The following NDRG2 variants were observed in gnomAD, a reference collection of about 807,000 sequenced individuals.
The protein encoded by NDRG2 is protein NDRG2.
In NDRG2, 34 loss-of-function variants were observed where a neutral mutation model predicts 58.2. That is an observed-to-expected ratio of 0.58 (90% CI 0.44 to 0.78). The LOEUF (loss-of-function observed/expected upper bound fraction) is 0.78. Among genes scored for constraint, NDRG2 ranks in the 30% least tolerant of loss-of-function variants. The probability of loss-of-function intolerance (pLI) is 0.00; values close to 1 mark genes in which losing one functional copy is unlikely to be tolerated. For missense variants in NDRG2, 434 were observed against 471.2 expected (o/e 0.92, Z 0.73); for synonymous variants, 187 against 175.9 (o/e 1.06, Z -0.50).
intron 1 of NDRG2, among the ~76,000 whole-genome samples, chr14:21,051,785 C>T (rs1016585148): frequency 3.3e-5 from 5 of 152,178 alleles, no homozygotes; most frequent in Non-Finnish European, 7.3e-5. Context: ...TCTGTCACCA[C>T]CAGGAGGCTG....
Position 21,018,773 on chromosome 14 carries a change from T to G in NDRG2, c.803A>C (p.Glu268Ala). 2 of 1,614,094 alleles carry G rather than the reference T, an allele frequency of 1.2e-6. No individual in the cohort carries two copies. Among genetic ancestry groups the G allele is most frequent in the Non-Finnish European group, 1.7e-6 (2 of 1,180,022 alleles). The stretch of plus-strand genomic sequence containing the variant: ...AAATTCCCTACTAACCACTGCATCT[T>G]CATGAGGTGCTTGGTCTCCTACCAC... ...MLVVGDQAPH[E>A]DAVVECNSKL... is the part of the protein sequence containing the mutation. The change falls in exon 12 of 16, where the codon GAA (glutamate) becomes GCA (alanine). Residue 268 changes from glutamate to alanine, a missense_variant. Physicochemically the swap from Glu to Ala is moderately radical, Grantham distance 107. Transcript: ENST00000556147.
chr14:21,041,544 C>G (rs1288293428), intron 1 of NDRG2, among the ~76,000 whole-genome samples: 2 of 152,154 alleles, frequency 1.3e-5, no homozygotes, highest in Admixed American at 6.5e-5. Flanking sequence ...CTCACAAGAG[C>G]TTGGAGTAGC....
intron 1 of NDRG2, among the ~76,000 whole-genome samples, chr14:21,042,043 T>C (rs994555140): frequency 6.6e-6 from 1 of 152,206 alleles, no homozygotes; most frequent in Non-Finnish European, 1.5e-5. Flanking sequence ...GAAGTGTATA[T>C]GAGAGGATAT....
At chr14:21,032,112 C>T in intron 1 of NDRG2, 1 of 1,598,628 alleles carries the variant, frequency 6.3e-7, no homozygotes, top group Non-Finnish European at 8.6e-7. Context: ...AGCCCCCTGA[C>T]CCTGCATGTT....
intron 1 of NDRG2, among the ~76,000 whole-genome samples, chr14:21,068,318 G>GAA (rs34795666): frequency 1.0e-5 from 1 of 99,520 alleles, no homozygotes; most frequent in African/African-American, 3.1e-5. Flanking sequence ...TTTTCTCCAT[G>GAA]AAAAAAAAAA....
Position 21,025,020 on chromosome 14 carries a change from T to A in NDRG2, c.-997A>T. The stretch of plus-strand genomic sequence containing the variant: ...GGCCCTACGGCCCCTCGCCTGCCCC[T>A]CCCCCTACCTGCTGCCGCCGCGGCC... On this transcript the variant is annotated 5_prime_UTR_variant, in exon 1 of 16. Coordinates refer to ENST00000556147, the MANE Select transcript of NDRG2 (RefSeq NM_001320329.2). The surrounding 1 kb of genome is among the most constrained non-coding windows in gnomAD (Gnocchi z 5.1). 2 of 980,572 alleles carry A rather than the reference T, an allele frequency of 2.0e-6. No individual in the cohort carries two copies. Among genetic ancestry groups the A allele is most frequent in the Non-Finnish European group, 2.4e-6 (2 of 828,784 alleles). The allele number at this position is 980,572 out of a possible 1,614,324, so 60.7% of individuals were successfully genotyped here. A position where few individuals can be genotyped will look rare whatever the true frequency, so the allele number is the denominator to read the frequency against.
intron 10 of NDRG2, 23 bp from the exon 11 acceptor site, chr14:21,019,183 G>T: frequency 6.2e-7 from 1 of 1,601,960 alleles, no homozygotes; most frequent in Non-Finnish European, 8.5e-7. Flanking sequence ...TAAAAGAGTA[G>T]GAATTTTAGG....
Position 21,024,958 on chromosome 14 carries a change from C to G in NDRG2, c.-935G>C. On this transcript the variant is annotated 5_prime_UTR_variant, in exon 1 of 16. Transcript: ENST00000556147. ...GCCTCCAGCTCCAGGGGACGCGGAT[C>G]AATCACACCGCCCGCCGGCCCGGCT... 1.0e-6 allele frequency: 1 copy of G among 985,624 alleles called. No homozygotes were observed. Among genetic ancestry groups the G allele is most frequent in the African/African-American group, 1.7e-5 (1 of 57,378 alleles). 61.1% of individuals were successfully genotyped at this position (985,624 alleles called of 1,614,324 possible).
Position 21,017,535 on chromosome 14 carries a change from C to G in NDRG2, c.*61G>C, listed in dbSNP as rs1016042060. 9 of 1,556,042 alleles carry G rather than the reference C, an allele frequency of 5.8e-6. No individual in the cohort carries two copies. In the African/African-American group the frequency reaches 1.1e-4, roughly 19 times the overall value. ...CGGTGGCCCAATGCCCCTTCAGCAC[C>G]TCCCAGGTTAGCTCTGGGGGAGGTG... On this transcript the variant is annotated 3_prime_UTR_variant, in exon 16 of 16. Coordinates refer to ENST00000556147, the MANE Select transcript of NDRG2 (RefSeq NM_001320329.2).
chr14:21,049,080 A>G (rs894564562), intron 1 of NDRG2, among the ~76,000 whole-genome samples: 2 of 152,228 alleles, frequency 1.3e-5, no homozygotes, highest in African/African-American at 4.8e-5. Flanking sequence ...AATAAGTTGG[A>G]GGACTTAGGA....
chr14:21,043,356 A>G (rs1174727006), intron 1 of NDRG2: 1 of 1,614,210 alleles, frequency 6.2e-7, no homozygotes, highest in South Asian at 1.1e-5. Flanking sequence ...CTGCAGGTAC[A>G]AAGAGAAGCG....
At chr14:21,056,820 C>G (rs947099850) in intron 1 of NDRG2, among the ~76,000 whole-genome samples, 2 of 152,180 alleles carry the variant, frequency 1.3e-5, no homozygotes, top group East Asian at 3.9e-4. Context: ...AACTCAAGCT[C>G]CCTCATCTTT....
At chr14:21,049,421 A>T (rs1176534458) in intron 1 of NDRG2, among the ~76,000 whole-genome samples, 2 of 152,190 alleles carry the variant, frequency 1.3e-5, no homozygotes, top group East Asian at 3.8e-4. Context: ...ACTTAGTTGA[A>T]CTTACACATT....
chr14:21,031,960 G>A (rs775152338), intron 1 of NDRG2: 15 of 1,614,060 alleles, frequency 9.3e-6, no homozygotes, highest in Non-Finnish European at 1.3e-5. Context: ...CCCACAAGGA[G>A]CGCTTTGATG....
At position 21,018,034 on chromosome 14, in the gene NDRG2, C is replaced by T. The variant is rs755833924; in HGVS notation, c.902G>A (p.Gly301Asp). 1.2e-5 allele frequency: 20 copies of T among 1,614,016 alleles called. No individual in the cohort carries two copies. The Admixed American group carries it at 3.3e-4, about 27-fold the overall frequency. ...GTACTTGAAGGCCTCGGTCAGCTTG[C>T]CTGGCTGCGGAAGTAAGAAGAGGCG... is the stretch of plus-strand genomic sequence containing the variant. ...SGGQPQLTQP[G>D]KLTEAFKYFL... The change falls in exon 15 of 16, where the codon GGC becomes GAC. Residue 301 changes from glycine to aspartate, a missense_variant. Coordinates refer to ENST00000556147, the MANE Select transcript of NDRG2 (RefSeq NM_001320329.2).
chr14:21,058,280 A>C (rs45545641), intron 1 of NDRG2: 14 of 1,614,024 alleles, frequency 8.7e-6, no homozygotes, highest in Non-Finnish European at 6.8e-6. Flanking sequence ...CACACCTTAC[A>C]TAGTGGCCTG....
At position 21,024,141 on chromosome 14, in the gene NDRG2, T is replaced by G; in HGVS notation, c.-118A>C. On this transcript the variant is annotated 5_prime_UTR_variant, in exon 1 of 16. Coordinates refer to ENST00000556147, the MANE Select transcript of NDRG2 (RefSeq NM_001320329.2). ...AGGTGAATGACATGGGAGACAGACC[T>G]GGGGTCTTTCAGGGACGGAAAGCCT... 1 of 985,444 alleles carries G rather than the reference T, an allele frequency of 1.0e-6. No homozygotes were observed. Among genetic ancestry groups the G allele is most frequent in the Non-Finnish European group, 1.2e-6 (1 of 829,958 alleles). 61.0% of individuals were successfully genotyped at this position (985,444 alleles called of 1,614,324 possible).
chr14:21,033,359 G>A (rs1407721142), intron 1 of NDRG2: 1 of 279,524 alleles, frequency 3.6e-6, no homozygotes, highest in Non-Finnish European at 6.9e-6. Flanking sequence ...TATCCCCTGA[G>A]TAGGTGGGTG....
At chr14:21,034,101 A>C (rs1884447898) in intron 1 of NDRG2, 3 of 1,614,210 alleles carry the variant, frequency 1.9e-6, no homozygotes. Context: ...TGAATTTTGC[A>C]TCTTGCCTCG....
Sources: allele counts gnomAD v4.1 joint callset (sites outside exome capture counted in the v4.1 genomes callset), GRCh38; gene constraint gnomAD v4.1.1; non-coding constraint Gnocchi (gnomAD v3.1); transcripts MANE v1.5; gene names NCBI Gene and HGNC (gene_info 2026-07-23, HGNC 2026-07-21).